CYP2W1: variants seen among roughly 807,000 people sequenced by gnomAD.
CYP2W1 encodes cytochrome P450 family 2 subfamily W member 1.
CYP2W1 carries 51 observed loss-of-function variants against 44.9 expected under a neutral mutation model. The observed-to-expected ratio is 1.14, with a 90% CI of 0.91 to 1.43. The LOEUF is 1.43. CYP2W1 is among the 40% of genes most tolerant of loss of function. The pLI is 0.00. For synonymous variants in CYP2W1, 383 were observed against 338.3 expected, an observed-to-expected ratio of 1.13 and a Z score of -1.45; for missense variants, 746 against 700.0, an observed-to-expected ratio of 1.07 and a Z score of -0.74.
chr7:984,621 C>G lies in CYP2W1; in HGVS notation c.337+47C>G, dbSNP rs1157078243. 7.2e-6 allele frequency: 11 copies of G among 1,528,116 alleles called. No individual in the cohort carries two copies. In the African/African-American group the frequency reaches 1.1e-4, roughly 15 times the overall value. The allele number at this position is 1,528,116 out of a possible 1,614,324, so 94.7% of individuals were successfully genotyped here. On this transcript the variant is annotated intron_variant, in intron 2 of 8. Coordinates refer to ENST00000308919, the MANE Select transcript of CYP2W1 (RefSeq NM_017781.3). ...CGGGGCCTACTGGGTGTGGGGGCAC[C>G]TGGACCCCAGGAGGGGTGGGGGCTC...
chr7:988,243 G>A (rs772646176), intron 7 of CYP2W1, 34 bp from the exon 8 acceptor site: 80 of 1,547,308 alleles, frequency 5.2e-5, no homozygotes, highest in Non-Finnish European at 6.7e-5. Flanking sequence ...TCTTCCCCGG[G>A]GCCCCTCTCT....
chr7:988,896 A>G lies in CYP2W1; in HGVS notation c.*74A>G, dbSNP rs1317406997. 1 of 819,660 alleles carries G rather than the reference A, an allele frequency of 1.2e-6. No homozygotes were observed. The highest frequency in any genetic ancestry group is 1.7e-5 in the South Asian group (1 of 57,378). 50.8% of individuals were successfully genotyped at this position (819,660 alleles called of 1,614,324 possible). ...GGGTCCTCCCACCCTCTCTCCTCCC[A>G]CCCCACAGCTCGGACTGCTCTGGGA... On this transcript the variant is annotated 3_prime_UTR_variant, in exon 9 of 9. Coordinates refer to ENST00000308919, the MANE Select transcript of CYP2W1 (RefSeq NM_017781.3).
rs1006260735 is a variant in CYP2W1 at position 988,977 on chromosome 7, C to T, written c.*155C>T. The T allele has an allele frequency of 1.0e-5, 6 of 590,178 alleles. No homozygotes were observed. Among genetic ancestry groups the T allele is most frequent in the Admixed American group, 3.0e-5 (1 of 33,430 alleles). The allele number at this position is 590,178 out of a possible 1,614,324, so 36.6% of individuals were successfully genotyped here. A position where few individuals can be genotyped will look rare whatever the true frequency, so the allele number is the denominator to read the frequency against. On this transcript the variant is annotated 3_prime_UTR_variant, in exon 9 of 9. Coordinates refer to ENST00000308919, the MANE Select transcript of CYP2W1 (RefSeq NM_017781.3). ...CCCCCACAGGGTCAGCAACTGCTTC[C>T]GGTTACACCCAGGACTACCCCTGCC...
At chr7:986,148 G>A (rs189277391) in intron 4 of CYP2W1, among the ~76,000 whole-genome samples, 81 of 152,274 alleles carry the variant, frequency 5.3e-4, no homozygotes, top group African/African-American at 1.8e-3. Flanking sequence ...CACTACTGGC[G>A]ATCGCGGACG....
intron 1 of CYP2W1, among the ~76,000 whole-genome samples, chr7:983,670 T>C (rs1848096209): frequency 6.6e-6 from 1 of 152,086 alleles, no homozygotes. Flanking sequence ...TGGCGTCTGC[T>C]GAGAGCCCGC....
intron 7 of CYP2W1, 79 bp from the exon 8 acceptor site, chr7:988,198 C>T: frequency 1.4e-6 from 2 of 1,469,614 alleles, no homozygotes; most frequent in Non-Finnish European, 9.1e-7. Context: ...GAGCTACATC[C>T]TGGAATGAAA....
At position 987,016 on chromosome 7, in the gene CYP2W1, C is replaced by A. The variant is rs1006597686; in HGVS notation, c.820-91C>A. ...GATGGCTGAGCCCAGATCACCGGGG[C>A]ATCCATAGTGGAGCCCAGGGCTGGG... On this transcript the variant is annotated intron_variant, in intron 5 of 8. Transcript: ENST00000308919. The A allele has an allele frequency of 5.7e-6, 8 of 1,411,238 alleles. No homozygotes were observed. In the African/African-American group the frequency reaches 5.8e-5, roughly 10 times the overall value. The allele number at this position is 1,411,238 out of a possible 1,614,324, so 87.4% of individuals were successfully genotyped here.
Position 985,279 on chromosome 7 carries a change from C to T in CYP2W1, c.601C>T (p.Leu201Phe). 3 of 1,551,756 alleles carry T rather than the reference C, an allele frequency of 1.9e-6. No individual in the cohort carries two copies. The highest frequency in any genetic ancestry group is 2.6e-6 in the Non-Finnish European group (3 of 1,147,430). The change falls in exon 4 of 9, where the codon CTC becomes TTC. Residue 201 changes from leucine to phenylalanine, a missense_variant. Leu to Phe is a conservative substitution (Grantham distance 22). Coordinates refer to ENST00000308919, the MANE Select transcript of CYP2W1 (RefSeq NM_017781.3). ...RDPVFVSLLG[L>F]IDEVMVLLGS... ...CCCCGTGTTTGTGTCCCTGCTGGGT[C>T]TCATCGATGAGGTCATGGTCCTCTT...
intron 1 of CYP2W1, 31 bp downstream of exon 1, chr7:983,416 G>T: frequency 2.1e-6 from 3 of 1,443,178 alleles, no homozygotes; most frequent in South Asian, 2.8e-5. Context: ...AGCTCTTGCC[G>T]CTTGGACAGC....
Position 989,100 on chromosome 7 carries a change from T to G in CYP2W1, c.*278T>G, listed in dbSNP as rs1848626422. 2 of 411,896 alleles carry G rather than the reference T, an allele frequency of 4.9e-6. No homozygotes were observed. Among genetic ancestry groups the G allele is most frequent in the Non-Finnish European group, 8.5e-6 (2 of 234,904 alleles). 25.5% of individuals were successfully genotyped at this position (411,896 alleles called of 1,614,324 possible). A position where few individuals can be genotyped will look rare whatever the true frequency, so the allele number is the denominator to read the frequency against. ...AGGGCCCCGCCCACTCTCCCACCCC[T>G]GAAGCTGCACTCCCACCCACCTAGC... is the stretch of plus-strand genomic sequence containing the variant. On this transcript the variant is annotated 3_prime_UTR_variant, in exon 9 of 9. Transcript: ENST00000308919.
In CYP2W1 at chr7:986,500, C is replaced by T. The variant is rs960689862; in HGVS notation, c.646-124C>T. ...GCTAAGGGTCCCCCCGTTCTGTGGC[C>T]GCCTCCAGCACATCCACCCAGAGTC... On this transcript the variant is annotated intron_variant, in intron 4 of 8. Transcript: ENST00000308919. 2.8e-5 allele frequency: 32 copies of T among 1,152,716 alleles called. 1 individual carries two copies. In the Admixed American group the frequency reaches 3.0e-4, roughly 11 times the overall value. The allele number at this position is 1,152,716 out of a possible 1,614,324, so 71.4% of individuals were successfully genotyped here.
rs749614470 is a variant in CYP2W1 at position 984,512 on chromosome 7, C to T, written c.275C>T (p.Pro92Leu). ...FEAVKEALAG[P>L]GQELADRPPI... ...GCGGTCAAAGAGGCGCTGGCGGGCCCCGGGCAGGAGCTGGCCGACCGGCCT... is the reference window on the plus strand; with the variant it reads ...GCGGTCAAAGAGGCGCTGGCGGGCCTCGGGCAGGAGCTGGCCGACCGGCCT... The change falls in exon 2 of 9, where the codon CCC becomes CTC. Residue 92 changes from proline to leucine, a missense_variant. Physicochemically the swap from Pro to Leu is moderately conservative, Grantham distance 98. Transcript: ENST00000308919. The T allele has an allele frequency of 1.9e-6, 3 of 1,552,744 alleles. No individual in the cohort carries two copies. Among genetic ancestry groups the T allele is most frequent in the South Asian group, 2.4e-5 (2 of 84,412 alleles).
chr7:985,809 G>A (rs1444104555), intron 4 of CYP2W1, among the ~76,000 whole-genome samples: 2 of 152,188 alleles, frequency 1.3e-5, no homozygotes, highest in Non-Finnish European at 2.9e-5. Flanking sequence ...TGCGTTTACC[G>A]AAGCCTGCAT....
In CYP2W1 at chr7:988,304, T is replaced by C. The variant is rs1345594609; in HGVS notation, c.1171T>C (p.Ser391Pro). 1 of 1,604,408 alleles carries C rather than the reference T, an allele frequency of 6.2e-7. No individual in the cohort carries two copies. Among genetic ancestry groups the C allele is most frequent in the Admixed American group, 1.7e-5 (1 of 59,718 alleles). ...KGTPVIPLLT[S>P]VLLDETQWQT... Reference sequence around the variant, plus strand: ...CACGCCCGTGATTCCCCTGCTGACCTCGGTGCTCCTGGATGAGACACAGTG... The same window carrying C: ...CACGCCCGTGATTCCCCTGCTGACCCCGGTGCTCCTGGATGAGACACAGTG... Residue 391 changes from serine (S) to proline (P), a missense_variant, in exon 8 of 9, where the codon TCG becomes CCG. Coordinates refer to ENST00000308919, the MANE Select transcript of CYP2W1 (RefSeq NM_017781.3).
rs774174678 is a variant in CYP2W1, at chr7:987,127, G to A, written c.840G>A (p.Leu280=). Residue 280 remains leucine, a synonymous_variant, in exon 6 of 9, where the codon CTG becomes CTA. Transcript: ENST00000308919. ...TGCAGGGGGATGACCCCGAGGGCCT[G>A]TTTGCTGAGGCCAACGCGGTGGCCT... is the stretch of plus-strand genomic sequence containing the variant. ...QQGQGDDPEG[L]FAEANAVACT... The A allele has an allele frequency of 3.8e-6, 6 of 1,566,042 alleles. No homozygotes were observed. In the East Asian group the frequency reaches 1.4e-4, roughly 36 times the overall value.
intron 4 of CYP2W1, among the ~76,000 whole-genome samples, chr7:985,701 A>C (rs545777088): frequency 6.6e-6 from 1 of 152,098 alleles, no homozygotes; most frequent in Non-Finnish European, 1.5e-5. Context: ...GTGCCCCAAA[A>C]CCACAAAAGT....
chr7:984,571 G>T lies in CYP2W1; in HGVS notation c.334G>T (p.Gly112Ter). 6.4e-7 allele frequency: 1 copy of T among 1,561,186 alleles called. No homozygotes were observed. The highest frequency in any genetic ancestry group is 8.6e-7 in the Non-Finnish European group (1 of 1,156,394). ...IAIFQLIQRG[G>*]GIFFSSGARW... ...CATCTTCCAGCTCATCCAGCGAGGT[G>T]GAGGTCGGTGTGTGGCCGGCGCTAC... Residue 112 changes from glycine to a stop codon, truncating the protein, a stop_gained, in exon 2 of 9, where the codon GGA becomes TGA. Coordinates refer to ENST00000308919, the MANE Select transcript of CYP2W1 (RefSeq NM_017781.3). LOFTEE classifies it high-confidence loss of function.
chr7:984,709 C>A, intron 2 of CYP2W1, 135 bp downstream of exon 2: 4 of 1,328,880 alleles, frequency 3.0e-6, no homozygotes, highest in South Asian at 2.8e-5. Context: ...GGCCTCCGGG[C>A]TGGTGCTGAG....
At position 988,859 on chromosome 7, in the gene CYP2W1, C is replaced by T. The variant is rs955271727; in HGVS notation, c.*37C>T. ...GCCCCCAGGTCCTCCTGACCACTCC[C>T]CTCCCAGCCCTGGGTCCTCCCACCC... On this transcript the variant is annotated 3_prime_UTR_variant, in exon 9 of 9. Transcript: ENST00000308919. The T allele has an allele frequency of 1.5e-6, 2 of 1,319,354 alleles. No individual in the cohort carries two copies. The highest frequency in any genetic ancestry group is 1.0e-6 in the Non-Finnish European group (1 of 968,832). 81.7% of individuals were successfully genotyped at this position (1,319,354 alleles called of 1,614,324 possible).
Sources: allele counts gnomAD v4.1 joint callset (sites outside exome capture counted in the v4.1 genomes callset), GRCh38; gene constraint gnomAD v4.1.1; transcripts MANE v1.5; gene names NCBI Gene and HGNC (gene_info 2026-07-23, HGNC 2026-07-21).